POU2F2: variants seen among roughly 807,000 people sequenced by gnomAD.
POU2F2 encodes POU domain, class 2, transcription factor 2.
POU2F2 carries 14 observed loss-of-function variants against 63.5 expected under a neutral mutation model. The observed-to-expected ratio is 0.22, with a 90% CI of 0.15 to 0.34. The LOEUF (loss-of-function observed/expected upper bound fraction) is 0.34, where lower values mean the gene tolerates loss of function less well. Ranked by LOEUF, POU2F2 falls within the 10% of genes least tolerant of loss-of-function variation. The pLI is 1.00. For missense variants in POU2F2, 607 were observed against 815.2 expected (o/e 0.74, Z 3.11); for synonymous variants, 306 against 348.6 (o/e 0.88, Z 1.36).
chr19:42,128,858 A>G (rs2033440669), intron 1 of POU2F2, among the ~76,000 whole-genome samples: 1 of 150,838 alleles, frequency 6.6e-6, no homozygotes, highest in Non-Finnish European at 1.5e-5. Flanking sequence ...TTTTAGACAG[A>G]GTCTCACTCT....
intron 5 of POU2F2, chr19:42,116,870 A>AGGCGGAGGCGGCGGC (rs1477997110): frequency 2.3e-5 from 10 of 440,074 alleles, no homozygotes; most frequent in Non-Finnish European, 3.6e-5. Context: ...GTAGAGGAGG[A>AGGCGGAGGCGGCGGC]GGCGGAGGCG....
intron 1 of POU2F2, among the ~76,000 whole-genome samples, chr19:42,170,500 C>T (rs933077129): frequency 6.6e-5 from 10 of 151,488 alleles, no homozygotes; most frequent in East Asian, 1.9e-4. Context: ...ATTCAATAGA[C>T]GCAAACACAC....
intron 2 of POU2F2, among the ~76,000 whole-genome samples, chr19:42,151,998 G>A (rs980310495): frequency 1.3e-5 from 2 of 152,194 alleles, no homozygotes; most frequent in Non-Finnish European, 2.9e-5. Flanking sequence ...CCTGGCTAGC[G>A]GTGGCTGGGG....
At chr19:42,130,672 A>C (rs186567580) in intron 1 of POU2F2, among the ~76,000 whole-genome samples, 1 of 151,520 alleles carries the variant, frequency 6.6e-6, no homozygotes, top group African/African-American at 2.4e-5. Flanking sequence ...TCAACAAATA[A>C]ACATGTCACC....
intron 1 of POU2F2, among the ~76,000 whole-genome samples, chr19:42,174,864 T>A (rs775239534): frequency 6.6e-6 from 1 of 152,112 alleles, no homozygotes; most frequent in Non-Finnish European, 1.5e-5. Flanking sequence ...TAAAAGCTAC[T>A]GAGCGAAGCG....
upstream of POU2F2, chr19:42,177,023 C>A (rs1294305838): frequency 1.4e-5 from 1 of 73,072 alleles, no homozygotes; most frequent in Non-Finnish European, 3.0e-5. Flanking sequence ...CGCGGGCGGG[C>A]GGGCGGGCAG....
chr19:42,115,523 C>A (rs2031734420), intron 5 of POU2F2, among the ~76,000 whole-genome samples: 1 of 152,178 alleles, frequency 6.6e-6, no homozygotes, highest in Non-Finnish European at 1.5e-5. Context: ...ACCTTCACTG[C>A]CCTGAAACTT....
intron 5 of POU2F2, 80 bp from the exon 6 acceptor site, chr19:42,099,901 G>A (rs1180832927): frequency 1.7e-6 from 2 of 1,186,296 alleles, no homozygotes; most frequent in East Asian, 2.6e-5. Context: ...TGAACCTTGA[G>A]GGGCTGAAAC....
chr19:42,176,336 T>G (rs924833829), upstream of POU2F2, among the ~76,000 whole-genome samples: 1 of 152,200 alleles, frequency 6.6e-6, no homozygotes, highest in African/African-American at 2.4e-5. Context: ...TATTGTTTTT[T>G]TTCTCTTTTT....
In POU2F2 at chr19:42,091,398, T is replaced by C. The variant is rs1310659025; in HGVS notation, c.1734A>G (p.Ala578=). The C allele has an allele frequency of 6.5e-7, 1 of 1,545,512 alleles. No individual in the cohort carries two copies. The highest frequency in any genetic ancestry group is 1.4e-5 in the African/African-American group (1 of 73,014). The change falls in exon 15 of 15, where the codon GCA becomes GCG. Residue 578 remains alanine, a synonymous_variant. Transcript: ENST00000692977. The part of the protein sequence containing the change: ...GLVSAAAAAV[A]ASISSKSPGL... ...CAGGAGACTTGCTGGAGATGGAGGC[T>C]GCCACAGCCGCAGCCGCTGCTGAGA...
upstream of POU2F2, chr19:42,132,651 G>A (rs1415328694): frequency 1.5e-5 from 6 of 406,254 alleles, no homozygotes; most frequent in African/African-American, 2.1e-5. Flanking sequence ...TGGAAGAGCC[G>A]ACTCCTACGG....
intron 1 of POU2F2, among the ~76,000 whole-genome samples, chr19:42,196,085 G>A (rs1015878402): frequency 2.6e-5 from 4 of 152,110 alleles, no homozygotes; most frequent in African/African-American, 7.2e-5. Flanking sequence ...GTATCTGGGC[G>A]GTGGCGGTGG....
At chr19:42,170,138 T>C (rs1048899101) in intron 1 of POU2F2, among the ~76,000 whole-genome samples, 2 of 152,026 alleles carry the variant, frequency 1.3e-5, no homozygotes, top group African/African-American at 4.8e-5. Flanking sequence ...AGGCTCAGCA[T>C]GGGTTGTGTG....
intron 2 of POU2F2, among the ~76,000 whole-genome samples, chr19:42,142,264 C>T (rs2034142907): frequency 6.6e-6 from 1 of 152,096 alleles, no homozygotes; most frequent in South Asian, 2.1e-4. Context: ...GATCTTGGCT[C>T]ACTGCAACCT....
chr19:42,197,470 G>A (rs892318851), upstream of POU2F2, among the ~76,000 whole-genome samples: 4 of 152,158 alleles, frequency 2.6e-5, no homozygotes, highest in African/African-American at 4.8e-5. Context: ...ACATCAAGAC[G>A]GGTCGAAATT....
At chr19:42,179,029 G>A (rs138314547), upstream of POU2F2, among the ~76,000 whole-genome samples, 1,058 of 152,150 alleles carry the variant, frequency 7.0e-3, 46 homozygotes, top group Admixed American at 0.065. Context: ...AGAGAGATGC[G>A]AGACAGAGAC....
Position 42,091,457 on chromosome 19 carries a change from G to A in POU2F2, c.1675C>T (p.Pro559Ser), listed in dbSNP as rs1235539902. ...ACACCAGGCGGGGTGCTGAGCAGGG[G>A]CAGCCCAGCATGATTCAAGAAGAGC... ...SPLFLNHAGL[P>S]LLSTPPGVGL... The change falls in exon 15 of 15, where the codon CCC becomes TCC. Residue 559 changes from proline to serine, a missense_variant. This residue lies in a region of POU2F2 where 270 missense variants were observed against 307.5 expected (regional missense o/e 0.88). Coordinates refer to ENST00000692977, the MANE Select transcript of POU2F2 (RefSeq NM_001394376.1). 1.3e-6 allele frequency: 2 copies of A among 1,550,974 alleles called. No individual in the cohort carries two copies. The highest frequency in any genetic ancestry group is 1.7e-6 in the Non-Finnish European group (2 of 1,146,906).
At chr19:42,114,347 G>C (rs1004654760) in intron 5 of POU2F2, among the ~76,000 whole-genome samples, 2 of 152,102 alleles carry the variant, frequency 1.3e-5, no homozygotes, top group Non-Finnish European at 2.9e-5. Flanking sequence ...TGGGGGGAGG[G>C]AAGTCATCAT....
intron 2 of POU2F2, among the ~76,000 whole-genome samples, chr19:42,139,547 C>T (rs757756759): frequency 6.6e-6 from 1 of 152,122 alleles, no homozygotes; most frequent in South Asian, 2.1e-4. Flanking sequence ...TCAAGTGATT[C>T]TCTTGCCTCA....
Sources: allele counts gnomAD v4.1 joint callset (sites outside exome capture counted in the v4.1 genomes callset), GRCh38; gene constraint gnomAD v4.1.1; regional missense constraint gnomAD v4.1.1; transcripts MANE v1.5; gene names NCBI Gene and HGNC (gene_info 2026-07-23, HGNC 2026-07-21).